Variants in CDK5RAP2 observed in about 807,000 individuals in gnomAD.
CDK5RAP2 encodes CDK5 regulatory subunit associated protein 2.
In CDK5RAP2, 147 loss-of-function variants were observed where a neutral mutation model predicts 232.9. That is an observed-to-expected ratio of 0.63 (90% confidence interval 0.55 to 0.72). CDK5RAP2 has a LOEUF of 0.72. Ranked by LOEUF, CDK5RAP2 falls within the 30% of genes least tolerant of loss-of-function variation. The pLI, the probability that CDK5RAP2 is intolerant of heterozygous loss-of-function variation, is 0.00. For missense variants in CDK5RAP2, 2,195 were observed against 2,231.5 expected (o/e 0.98, Z 0.33); for synonymous variants, 833 against 833.7 (o/e 1.00, Z 0.01).
chr9:120,467,885 C>A lies in CDK5RAP2; in HGVS notation c.2081G>T (p.Arg694Ile). 1 of 1,614,140 alleles carries A rather than the reference C, an allele frequency of 6.2e-7. No homozygotes were observed. The highest frequency in any genetic ancestry group is 8.5e-7 in the Non-Finnish European group (1 of 1,180,014). The change falls in exon 18 of 38, where the codon AGA becomes ATA. Residue 694 changes from arginine (R) to isoleucine (I), a missense_variant. Arg to Ile is a moderately conservative substitution (Grantham distance 97, BLOSUM62 -3). Coordinates refer to ENST00000349780, the MANE Select transcript of CDK5RAP2 (RefSeq NM_018249.6). ...MGFQGNGFPD[R>I]LASTEQTELL... ...CTCTGTTTGTTCTGTAGACGCAAGT[C>A]TATCTGGAAACCCATTTCCCTGGAA...
At chr9:120,578,056 T>C (rs2043101994) in intron 1 of CDK5RAP2, among the ~76,000 whole-genome samples, 1 of 152,208 alleles carries the variant, frequency 6.6e-6, no homozygotes, top group East Asian at 1.9e-4. Flanking sequence ...GATCATGAGA[T>C]CAGGAGATGG....
chr9:120,431,312 T>G (rs577987748), intron 25 of CDK5RAP2, among the ~76,000 whole-genome samples: 30 of 152,098 alleles, frequency 2.0e-4, no homozygotes, highest in Non-Finnish European at 3.4e-4. Flanking sequence ...TTGATAGGAG[T>G]GTGAAAAGCA....
intron 23 of CDK5RAP2, among the ~76,000 whole-genome samples, chr9:120,443,369 T>C (rs541944491): frequency 1.7e-4 from 26 of 152,294 alleles, no homozygotes; most frequent in African/African-American, 6.3e-4. Flanking sequence ...CACTGCCTGG[T>C]AGAGAAGCAT....
chr9:120,393,391 A>G (rs573916169), intron 36 of CDK5RAP2, among the ~76,000 whole-genome samples: 50 of 152,334 alleles, frequency 3.3e-4, no homozygotes, highest in Middle Eastern at 3.4e-3. Flanking sequence ...GCAGTCTCAC[A>G]GAGTCTATTT....
intron 11 of CDK5RAP2, among the ~76,000 whole-genome samples, chr9:120,522,978 A>G (rs957141935): frequency 1.3e-5 from 2 of 152,242 alleles, no homozygotes; most frequent in African/African-American, 4.8e-5. Context: ...TGGAAAGAGC[A>G]TAGGCTTTGA....
rs76627037 is a variant in CDK5RAP2, at chr9:120,532,821, C to T, written c.663-2681G>A. On this transcript the variant is annotated intron_variant, in intron 7 of 37. Transcript: ENST00000349780. ...CCTATGGGAAATCCCAGGAAGATGC[C>T]GCCTTTAGCAAAGCTCTGATCCGAC... is the stretch of plus-strand genomic sequence containing the variant. 6.6e-3 allele frequency among the ~76,000 whole-genome samples: 1,007 copies of T among 152,182 alleles called. 16 individuals are homozygous for T. Among genetic ancestry groups the T allele is most frequent in the African/African-American group, 0.023 (962 of 41,518 alleles).
chr9:120,414,679 T>C (rs1326048954), intron 28 of CDK5RAP2, among the ~76,000 whole-genome samples: 2 of 152,212 alleles, frequency 1.3e-5, no homozygotes, highest in Non-Finnish European at 2.9e-5. Context: ...TTTAAGTTCT[T>C]CATGGACGAT....
intron 3 of CDK5RAP2, among the ~76,000 whole-genome samples, chr9:120,554,209 C>T (rs2042143943): frequency 6.6e-6 from 1 of 152,132 alleles, no homozygotes; most frequent in Non-Finnish European, 1.5e-5. Flanking sequence ...CTTGATATGA[C>T]AGTAGGCATA....
chr9:120,494,687 G>A (rs1221279921), intron 12 of CDK5RAP2, among the ~76,000 whole-genome samples: 2 of 151,878 alleles, frequency 1.3e-5, no homozygotes, highest in African/African-American at 4.8e-5. Flanking sequence ...AAGAATAGAA[G>A]GAAAGATAGA....
At chr9:120,398,166 G>A (rs2032685396) in intron 35 of CDK5RAP2, among the ~76,000 whole-genome samples, 1 of 152,142 alleles carries the variant, frequency 6.6e-6, no homozygotes, top group Non-Finnish European at 1.5e-5. Context: ...CTAAAGCCTT[G>A]TATGTTGACA....
intron 12 of CDK5RAP2, among the ~76,000 whole-genome samples, chr9:120,506,137 T>C (rs2039799540): frequency 1.3e-5 from 2 of 152,342 alleles, no homozygotes; most frequent in Admixed American, 6.5e-5. Flanking sequence ...CTAATGCAGC[T>C]GGTAACTTTA....
chr9:120,423,691 G>A lies in CDK5RAP2; in HGVS notation c.3956-950C>T, dbSNP rs114198989. ...ATGAGCTCTTTGAAGACACTGATGC[G>A]TGGCTAAAGAAAAAAACAAACTCTT... On this transcript the variant is annotated intron_variant, in intron 25 of 37. Transcript: ENST00000349780. 2.3e-3 allele frequency among the ~76,000 whole-genome samples: 345 copies of A among 152,252 alleles called. 1 individual carries two copies. Among genetic ancestry groups the A allele is most frequent in the African/African-American group, 8.0e-3 (331 of 41,540 alleles).
intron 5 of CDK5RAP2, among the ~76,000 whole-genome samples, chr9:120,541,915 GAA>G (rs2041649514): frequency 5.3e-5 from 8 of 152,216 alleles, no homozygotes. Context: ...AAGGCTGAGA[GAA>G]ACTGGTTTCA....
At chr9:120,542,901 C>A (rs1186486203) in intron 5 of CDK5RAP2, among the ~76,000 whole-genome samples, 1 of 152,150 alleles carries the variant, frequency 6.6e-6, no homozygotes, top group East Asian at 1.9e-4. Flanking sequence ...ATGCGCGGTT[C>A]CAGATCTGAA....
At chr9:120,437,264 T>C in intron 25 of CDK5RAP2, 31 bp downstream of exon 25, 1 of 1,499,256 alleles carries the variant, frequency 6.7e-7, no homozygotes, top group East Asian at 2.3e-5. Flanking sequence ...ATTACTGATG[T>C]CTTAAGACTC....
intron 27 of CDK5RAP2, among the ~76,000 whole-genome samples, chr9:120,418,474 G>C (rs187859461): frequency 2.6e-5 from 4 of 152,180 alleles, no homozygotes; most frequent in African/African-American, 9.7e-5. Context: ...CCTCAATCAA[G>C]TCTGCACAAA....
chr9:120,577,436 G>A (rs2043078420), intron 1 of CDK5RAP2, among the ~76,000 whole-genome samples: 1 of 152,076 alleles, frequency 6.6e-6, no homozygotes, highest in African/African-American at 2.4e-5. Context: ...GGGGGAATAG[G>A]GAGTTACTGT....
Position 120,471,947 on chromosome 9 carries a change from A to C in CDK5RAP2, c.1728-69T>G, listed in dbSNP as rs73660259. 9.1e-4 allele frequency: 1,449 copies of C among 1,599,310 alleles called. 15 individuals carry two copies. In the African/African-American group the frequency reaches 0.018, roughly 19 times the overall value. On this transcript the variant is annotated intron_variant, in intron 15 of 37. Transcript: ENST00000349780. ...GTACTTTTAGATGCAAAGCCCAGAA[A>C]GCCTTCCTGTGATTTTTATGTCATT...
chr9:120,490,863 T>C (rs760284770), intron 13 of CDK5RAP2, among the ~76,000 whole-genome samples: 2 of 152,234 alleles, frequency 1.3e-5, no homozygotes, highest in Admixed American at 6.5e-5. Context: ...TACTCCATCA[T>C]GGTTATCTGT....
Sources: gnomAD v4.1 joint callset for allele counts (sites outside exome capture counted in the v4.1 genomes callset) on GRCh38, gnomAD v4.1.1 for gene constraint, MANE v1.5 for transcripts, NCBI Gene and HGNC (gene_info 2026-07-23, HGNC 2026-07-21) for gene names.